ARHGAP29: variants seen among roughly 807,000 people sequenced by gnomAD.
ARHGAP29 encodes rho GTPase-activating protein 29.
In ARHGAP29, 43 loss-of-function variants were observed where a neutral mutation model predicts 122.6. That is an observed-to-expected ratio of 0.35 (90% confidence interval 0.27 to 0.45). The LOEUF (loss-of-function observed/expected upper bound fraction) is 0.45. ARHGAP29 is among the 20% of genes least tolerant of loss of function. The probability of loss-of-function intolerance (pLI) is 1.00; values close to 1 mark genes in which losing one functional copy is unlikely to be tolerated. For synonymous variants in ARHGAP29, 506 were observed against 497.1 expected (o/e 1.02, Z -0.24); for missense variants, 1,303 against 1,477.2 (o/e 0.88, Z 1.93).
upstream of ARHGAP29, among the ~76,000 whole-genome samples, chr1:94,239,676 G>A (rs940952038): frequency 2.7e-5 from 1 of 36,374 alleles, no homozygotes; most frequent in African/African-American, 6.2e-5. Context: ...GACAAACAGA[G>A]GTGATAGAGA....
At chr1:94,189,025 T>C (rs193019811) in intron 14 of ARHGAP29, 84 bp from the exon 15 acceptor site, 1 of 1,423,780 alleles carries the variant, frequency 7.0e-7, no homozygotes, top group East Asian at 2.3e-5. Flanking sequence ...AGTGAGACAA[T>C]TCAAATTTCT....
At chr1:94,291,662 G>C in the ARHGAP29 span, among the ~76,000 whole-genome samples, 104 of 152,262 alleles carry the variant, frequency 6.8e-4, no homozygotes, top group East Asian at 0.016. Flanking sequence ...GACAAAATCT[G>C]TCAGCATTTG....
At chr1:94,178,255 G>C (rs888423743) in intron 20 of ARHGAP29, 88 bp from the exon 21 acceptor site, 1 of 1,284,684 alleles carries the variant, frequency 7.8e-7, no homozygotes, top group African/African-American at 1.5e-5. Context: ...AGGGTGGAGG[G>C]AAAATGAGCT....
In ARHGAP29 at chr1:94,174,603, C is replaced by T. The variant is rs557659137; in HGVS notation, c.3052G>A (p.Val1018Ile). The T allele has an allele frequency of 3.6e-5, 58 of 1,614,160 alleles. 1 individual carries two copies. In the South Asian group the frequency reaches 6.1e-4, roughly 17 times the overall value. The change falls in exon 23 of 23, where the codon GTA (valine) becomes ATA (isoleucine). Residue 1018 changes from valine (V) to isoleucine (I), a missense_variant. Coordinates refer to ENST00000260526, the MANE Select transcript of ARHGAP29 (RefSeq NM_004815.4). ...AGTAGTCTATCTACAGGCAAACTTACAGGTCTAATCTTGGTCCTTGGAGTA... is the reference window on the plus strand; with the variant it reads ...AGTAGTCTATCTACAGGCAAACTTATAGGTCTAATCTTGGTCCTTGGAGTA... ...RHTPRTKIRP[V>I]SLPVDRLLLA... is the part of the protein sequence containing the mutation.
intron 22 of ARHGAP29, 46 bp from the exon 23 acceptor site, chr1:94,174,795 AAG>A (rs1648988654): frequency 1.3e-6 from 2 of 1,576,060 alleles, no homozygotes; most frequent in South Asian, 2.3e-5. Flanking sequence ...CATGGTTAAT[AAG>A]AGAGTTTGAA....
Position 94,172,614 on chromosome 1 carries a change from T to TATATAC in ARHGAP29, c.*1254_*1255insGTATAT, listed in dbSNP as rs1648811876. Reference sequence around the variant, plus strand: ...AACATGAAATAATTTAACAAGTTGATATATATATATATATATATTATCAAG... The same window carrying TATATAC: ...AACATGAAATAATTTAACAAGTTGATATATACATATATATATATATATATTATCAAG... On this transcript the variant is annotated 3_prime_UTR_variant, in exon 23 of 23. Coordinates refer to ENST00000260526, the MANE Select transcript of ARHGAP29 (RefSeq NM_004815.4). The TATATAC allele has an allele frequency of 6.9e-6, 1 of 145,648 alleles. No individual in the cohort carries two copies. Among genetic ancestry groups the TATATAC allele is most frequent in the South Asian group, 2.1e-4 (1 of 4,750 alleles). 9.0% of individuals were successfully genotyped at this position (145,648 alleles called of 1,614,324 possible). A position where few individuals can be genotyped will look rare whatever the true frequency, so the allele number is the denominator to read the frequency against.
In ARHGAP29 at chr1:94,211,287, C is replaced by CAAAAAAAAAAA. The variant is rs71094285; in HGVS notation, c.341-1948_341-1938dup. Among the ~76,000 whole-genome samples the CAAAAAAAAAAA allele has an allele frequency of 1.4e-4, 5 of 35,996 alleles. 2 individuals carry two copies. Among genetic ancestry groups the CAAAAAAAAAAA allele is most frequent in the African/African-American group, 3.3e-4 (3 of 9,038 alleles). The allele number at this position is 35,996 out of a possible 152,430, so 23.6% of individuals were successfully genotyped here. On this transcript the variant is annotated intron_variant, in intron 3 of 22. Coordinates refer to ENST00000260526, the MANE Select transcript of ARHGAP29 (RefSeq NM_004815.4). Reference sequence around the variant, plus strand: ...GGGCGACAGAGCAAGGCTCTGGCTCCAAAAAAAAAAAAAAAAAAAAAAAAA... The same window carrying CAAAAAAAAAAA: ...GGGCGACAGAGCAAGGCTCTGGCTCCAAAAAAAAAAAAAAAAAAAAAAAAAAAAAAAAAAAA...
At chr1:94,274,847 A>G (rs1398756780) in intron 1 of ARHGAP29, among the ~76,000 whole-genome samples, 1 of 152,238 alleles carries the variant, frequency 6.6e-6, no homozygotes, top group African/African-American at 2.4e-5. Flanking sequence ...CTTCAAGCTC[A>G]GGCCCTTTAC....
intron 22 of ARHGAP29, chr1:94,177,342 T>A (rs1214637578): frequency 3.5e-6 from 1 of 282,486 alleles, no homozygotes; most frequent in Admixed American, 4.9e-5. Flanking sequence ...ATGGCAAAAC[T>A]CAAAAACAAA....
the ARHGAP29 span, among the ~76,000 whole-genome samples, chr1:94,286,433 C>A: frequency 6.6e-6 from 1 of 152,064 alleles, no homozygotes; most frequent in South Asian, 2.1e-4. Flanking sequence ...TTTGGGAGGC[C>A]AAGGCAGGAG....
chr1:94,189,117 G>C, intron 14 of ARHGAP29, 99 bp downstream of exon 14: 1 of 1,452,166 alleles, frequency 6.9e-7, no homozygotes, highest in African/African-American at 1.4e-5. Flanking sequence ...ACAAACTAAG[G>C]CCTGATTTTT....
In ARHGAP29 at chr1:94,236,406, G is replaced by C. The variant is rs1375200123; in HGVS notation, c.-33+1009C>G. ...TTCCTCATCCAAGAATTTAAACAAAGAGGGAAGAATGGAGCAACCAAAATG... is the reference window on the plus strand; with the variant it reads ...TTCCTCATCCAAGAATTTAAACAAACAGGGAAGAATGGAGCAACCAAAATG... On this transcript the variant is annotated intron_variant, in intron 1 of 22. Transcript: ENST00000260526. 2.0e-5 allele frequency among the ~76,000 whole-genome samples: 3 copies of C among 152,210 alleles called. No individual in the cohort carries two copies. In the East Asian group the frequency reaches 5.8e-4, roughly 29 times the overall value.
upstream of ARHGAP29, among the ~76,000 whole-genome samples, chr1:94,278,930 G>A (rs1420218776): frequency 6.6e-6 from 1 of 152,170 alleles, no homozygotes; most frequent in African/African-American, 2.4e-5. Context: ...TTAGAGAAAT[G>A]CACAAATGTG....
At chr1:94,181,018 T>C (rs1649419889) in intron 19 of ARHGAP29, among the ~76,000 whole-genome samples, 1 of 152,132 alleles carries the variant, frequency 6.6e-6, no homozygotes, top group Admixed American at 6.5e-5. Context: ...ACATGGTAAA[T>C]CCAACAATTA....
intron 1 of ARHGAP29, among the ~76,000 whole-genome samples, chr1:94,232,603 A>G (rs1406632929): frequency 6.6e-6 from 1 of 152,202 alleles, no homozygotes; most frequent in Non-Finnish European, 1.5e-5. Context: ...TGTGACCAGT[A>G]CAATTTATTT....
At chr1:94,232,772 G>T (rs1257901595) in intron 1 of ARHGAP29, among the ~76,000 whole-genome samples, 4 of 151,992 alleles carry the variant, frequency 2.6e-5, no homozygotes, top group African/African-American at 9.7e-5. Context: ...AATCTTGTTT[G>T]TATCTCTGGA....
intron 17 of ARHGAP29, 78 bp downstream of exon 17, chr1:94,185,264 C>A: frequency 6.9e-7 from 1 of 1,442,960 alleles, no homozygotes; most frequent in African/African-American, 1.5e-5. Context: ...GCAAAAGATC[C>A]TAAAAAGTAA....
chr1:94,314,022 G>T, the ARHGAP29 span, among the ~76,000 whole-genome samples: 1 of 152,144 alleles, frequency 6.6e-6, no homozygotes, highest in South Asian at 2.1e-4. Context: ...AATACCTAAT[G>T]TAAATGACGA....
In ARHGAP29 at chr1:94,243,135, A is replaced by C. The variant is rs895839963; in HGVS notation, c.-32-11492T>G. Among the ~76,000 whole-genome samples the C allele has an allele frequency of 4.6e-5, 7 of 152,260 alleles. No homozygotes were observed. In the East Asian group the frequency reaches 1.4e-3, roughly 29 times the overall value. On this transcript the variant is annotated intron_variant and NMD_transcript_variant, in intron 1 of 25. Coordinates refer to the ARHGAP29 transcript ENST00000552844. Reference sequence around the variant, plus strand: ...CACTCTTCTCTCAGTAATTGATAGAATAACAGAAAATCATTAAGGATCATT... The same window carrying C: ...CACTCTTCTCTCAGTAATTGATAGACTAACAGAAAATCATTAAGGATCATT...
Sources: gnomAD v4.1 joint callset for allele counts (sites outside exome capture counted in the v4.1 genomes callset) on GRCh38, gnomAD v4.1.1 for gene constraint, MANE v1.5 for transcripts, NCBI Gene and HGNC (gene_info 2026-07-23, HGNC 2026-07-21) for gene names.